The following RPS6KA2 variants were observed in gnomAD, a reference collection of about 807,000 sequenced individuals.
RPS6KA2 encodes ribosomal protein S6 kinase A2, also known as ribosomal protein S6 kinase alpha-2.
In RPS6KA2, 42 loss-of-function variants were observed where a neutral mutation model predicts 91.8. That is an observed-to-expected ratio of 0.46 (90% CI 0.36 to 0.59). RPS6KA2 has a LOEUF of 0.59. Ranked by LOEUF, RPS6KA2 falls within the 20% of genes least tolerant of loss-of-function variation. The probability of loss-of-function intolerance (pLI) is 0.00; values close to 1 mark genes in which losing one functional copy is unlikely to be tolerated. For synonymous variants in RPS6KA2, 414 were observed against 393.6 expected, an observed-to-expected ratio of 1.05 and a Z score of -0.61; for missense variants, 798 against 978.5, an observed-to-expected ratio of 0.82 and a Z score of 2.46.
At chr6:166,785,336 T>TCTC (rs1324881282) in intron 2 of RPS6KA2, among the ~76,000 whole-genome samples, 1 of 152,220 alleles carries the variant, frequency 6.6e-6, no homozygotes, top group Non-Finnish European at 1.5e-5. Context: ...CCGGCCTCAG[T>TCTC]CTCCTCCCTA....
At position 166,648,244 on chromosome 6, in the gene RPS6KA2, ACACAGG is replaced by A. The variant is rs1350778278; in HGVS notation, c.124-109466_124-109461del. Among the ~76,000 whole-genome samples, 562 of 148,962 alleles carry A rather than the reference ACACAGG, an allele frequency of 3.8e-3. 1 individual carries two copies. Among genetic ancestry groups the A allele is most frequent in the African/African-American group, 8.9e-3 (364 of 40,728 alleles). On this transcript the variant is annotated intron_variant, in intron 2 of 21. Transcript: ENST00000503859. This position sits in a 1 kb window ranked among gnomAD's most constrained non-coding sequence, Gnocchi z 4.8. ...CGCACATGCGCACACACACACATTC[ACACAGG>A]CACACACACTCATGTTCATACACAC...
intron 2 of RPS6KA2, among the ~76,000 whole-genome samples, chr6:166,723,484 T>C (rs974323097): frequency 6.6e-6 from 1 of 152,146 alleles, no homozygotes; most frequent in African/African-American, 2.4e-5. Flanking sequence ...CCTCAGCTGG[T>C]GCCAGGGGAC....
chr6:166,842,738 A>G (rs1780516722), intron 2 of RPS6KA2, among the ~76,000 whole-genome samples: 2 of 152,164 alleles, frequency 1.3e-5, no homozygotes, highest in Admixed American at 1.3e-4. Flanking sequence ...TTATCTTAAA[A>G]ATACAGACAG....
chr6:166,862,339 G>T, exon 1 of RPS6KA2: 2 of 1,464,504 alleles, frequency 1.4e-6, no homozygotes, highest in Non-Finnish European at 1.8e-6. Context: ...AGAGGAGGTC[G>T]TGAGCGCGGG....
intron 2 of RPS6KA2, among the ~76,000 whole-genome samples, chr6:166,641,922 C>G (rs1787451670): frequency 6.6e-6 from 1 of 151,322 alleles, no homozygotes; most frequent in African/African-American, 2.4e-5. Flanking sequence ...ATCCAGCATG[C>G]CTCTGACTAT....
chr6:166,472,149 C>T (rs933908489), intron 10 of RPS6KA2, among the ~76,000 whole-genome samples: 4 of 152,134 alleles, frequency 2.6e-5, no homozygotes, highest in Non-Finnish European at 4.4e-5. Context: ...GACTGTTGGA[C>T]GCATGGCCAG....
At chr6:166,547,266 C>A (rs375334213) in intron 1 of RPS6KA2, among the ~76,000 whole-genome samples, 47 of 152,238 alleles carry the variant, frequency 3.1e-4, no homozygotes, top group African/African-American at 1.1e-3. Context: ...GCAACACCAC[C>A]GACTTAGAGG....
intron 2 of RPS6KA2, among the ~76,000 whole-genome samples, chr6:166,808,649 T>G (rs942965184): frequency 6.6e-6 from 1 of 152,190 alleles, no homozygotes; most frequent in African/African-American, 2.4e-5. Flanking sequence ...GTGTTCAGTA[T>G]TGACCATATT....
intron 10 of RPS6KA2, among the ~76,000 whole-genome samples, chr6:166,470,633 A>T (rs1242526575): frequency 6.6e-6 from 1 of 152,084 alleles, no homozygotes; most frequent in Non-Finnish European, 1.5e-5. Flanking sequence ...ATACATGTCC[A>T]CTCATCTGCC....
intron 1 of RPS6KA2, among the ~76,000 whole-genome samples, chr6:166,592,282 C>A (rs568959506): frequency 2.0e-5 from 3 of 152,328 alleles, no homozygotes; most frequent in African/African-American, 7.2e-5. Flanking sequence ...CTGATGGGTG[C>A]ACCTCAGATT....
intron 2 of RPS6KA2, among the ~76,000 whole-genome samples, chr6:166,806,287 C>G (rs997186427): frequency 6.6e-6 from 1 of 152,086 alleles, no homozygotes; most frequent in African/African-American, 2.4e-5. Context: ...CAACAAACTA[C>G]AAGTATGATG....
intron 1 of RPS6KA2, among the ~76,000 whole-genome samples, chr6:166,595,843 A>T (rs1216556548): frequency 1.3e-5 from 2 of 152,238 alleles, no homozygotes; most frequent in Non-Finnish European, 2.9e-5. Context: ...TATTACCAAT[A>T]AAGGAATGGG....
intron 5 of RPS6KA2, among the ~76,000 whole-genome samples, chr6:166,506,799 G>A (rs1355093007): frequency 3.9e-5 from 6 of 152,146 alleles, no homozygotes; most frequent in African/African-American, 1.4e-4. Flanking sequence ...AAAAGGGAGT[G>A]GGGGGTGTGA....
intron 15 of RPS6KA2, among the ~76,000 whole-genome samples, chr6:166,432,010 G>C (rs948505460): frequency 6.6e-6 from 1 of 152,184 alleles, no homozygotes; most frequent in Non-Finnish European, 1.5e-5. Context: ...AACTGAGGTA[G>C]GCCCAATATC....
At chr6:166,681,041 C>T (rs541949545) in intron 2 of RPS6KA2, among the ~76,000 whole-genome samples, 103 of 152,316 alleles carry the variant, frequency 6.8e-4, no homozygotes, top group Middle Eastern at 3.4e-3. Flanking sequence ...CTTCTCACCC[C>T]TTCTGCTCTG....
chr6:166,601,751 A>T (rs1411233554), intron 1 of RPS6KA2, among the ~76,000 whole-genome samples: 1 of 152,262 alleles, frequency 6.6e-6, no homozygotes, highest in African/African-American at 2.4e-5. Flanking sequence ...CAAAGAATGC[A>T]AGTCATTAAA....
At chr6:166,631,789 G>A (rs943497074), upstream of RPS6KA2, among the ~76,000 whole-genome samples, 10 of 152,174 alleles carry the variant, frequency 6.6e-5, no homozygotes, top group Admixed American at 5.9e-4. Flanking sequence ...AGATAGATGC[G>A]AACACACAGA....
chr6:166,481,651 T>C lies in RPS6KA2; in HGVS notation c.907+7182A>G, dbSNP rs536802567. 2.9e-3 allele frequency among the ~76,000 whole-genome samples: 431 copies of C among 147,388 alleles called. 2 individuals are homozygous for C. Among genetic ancestry groups the C allele is most frequent in the East Asian group, 6.9e-3 (33 of 4,760 alleles). The stretch of plus-strand genomic sequence containing the variant: ...AGTTCTCTGATGAGATGGTAGACTG[T>C]ACATATACCTCTCTGATAGATCTTA... On this transcript the variant is annotated intron_variant, in intron 10 of 20. Coordinates refer to ENST00000265678, the MANE Select transcript of RPS6KA2 (RefSeq NM_021135.6).
intron 2 of RPS6KA2, among the ~76,000 whole-genome samples, chr6:166,660,642 T>A (rs1221206143): frequency 1.3e-5 from 2 of 152,194 alleles, no homozygotes; most frequent in Non-Finnish European, 2.9e-5. Flanking sequence ...AGGATCAGTA[T>A]TTCAAAGAAT....
Sources: allele counts gnomAD v4.1 joint callset (sites outside exome capture counted in the v4.1 genomes callset), GRCh38; gene constraint gnomAD v4.1.1; non-coding constraint Gnocchi (gnomAD v3.1); transcripts MANE v1.5; gene names NCBI Gene and HGNC (gene_info 2026-07-23, HGNC 2026-07-21).